Variants in NCOA1 observed in about 807,000 individuals in gnomAD.
NCOA1 encodes nuclear receptor coactivator 1, also known as Hin-2 protein.
NCOA1 carries 35 observed loss-of-function variants against 150.9 expected under a neutral mutation model. That is an observed-to-expected ratio of 0.23 (90% confidence interval 0.18 to 0.31). The LOEUF is 0.31. NCOA1 is among the 10% of genes least tolerant of loss of function. The pLI is 1.00. For synonymous variants in NCOA1, 590 were observed against 630.0 expected, an observed-to-expected ratio of 0.94 and a Z score of 0.95; for missense variants, 1,491 against 1,749.3, an observed-to-expected ratio of 0.85 and a Z score of 2.63.
chr2:24,494,837 A>G (rs938825018), intron 1 of NCOA1, among the ~76,000 whole-genome samples: 2 of 152,196 alleles, frequency 1.3e-5, no homozygotes, highest in African/African-American at 2.4e-5. Context: ...ACTAGACTGT[A>G]GGAAAGGACT....
At chr2:24,691,780 T>C in intron 9 of NCOA1, 120 bp downstream of exon 9, 1 of 918,490 alleles carries the variant, frequency 1.1e-6, no homozygotes, top group Non-Finnish European at 1.6e-6. Flanking sequence ...ATATGTATCA[T>C]AGTGGCTATT....
chr2:24,765,232 G>A (rs1015212035), intron 22 of NCOA1, among the ~76,000 whole-genome samples: 6 of 151,832 alleles, frequency 4.0e-5, no homozygotes, highest in African/African-American at 9.7e-5. Context: ...AGCCGGGTGC[G>A]GTGGCTCACG....
rs147600225 is a variant in NCOA1, at chr2:24,707,009, G to A, written c.1539G>A (p.Ser513=). 143 of 1,613,918 alleles carry A rather than the reference G, an allele frequency of 8.9e-5. No individual in the cohort carries two copies. The African/African-American group carries it at 1.1e-3, about 13-fold the overall frequency. Residue 513 remains serine (S), a synonymous_variant, in exon 13 of 23, where the codon TCG becomes TCA. Transcript: ENST00000348332. ...MPNNSFPPNI[S]TLSSPVGMTS... The stretch of plus-strand genomic sequence containing the variant: ...ACAATTCCTTTCCTCCTAATATTTC[G>A]ACATTAAGCTCTCCCGTTGGCATGA...
At chr2:24,669,950 C>T (rs1343654071) in intron 6 of NCOA1, among the ~76,000 whole-genome samples, 1 of 152,144 alleles carries the variant, frequency 6.6e-6, no homozygotes, top group East Asian at 1.9e-4. Context: ...CCAGCCTGGA[C>T]AACATAGCAA....
chr2:24,625,645 C>T (rs1028346924), intron 3 of NCOA1, among the ~76,000 whole-genome samples: 1 of 152,022 alleles, frequency 6.6e-6, no homozygotes, highest in African/African-American at 2.4e-5. Flanking sequence ...AATCTTCTCC[C>T]TCCCCTCTAA....
chr2:24,604,725 T>C (rs1245369620), intron 3 of NCOA1, among the ~76,000 whole-genome samples: 4 of 152,236 alleles, frequency 2.6e-5, no homozygotes, highest in South Asian at 2.1e-4. Flanking sequence ...TTTACCCATA[T>C]GAGCAACAAG....
chr2:24,514,133 A>G (rs1219938691), intron 1 of NCOA1, among the ~76,000 whole-genome samples: 1 of 151,740 alleles, frequency 6.6e-6, no homozygotes, highest in African/African-American at 2.4e-5. Flanking sequence ...CTAAAAATAC[A>G]AAAAATTAGC....
At chr2:24,658,862 G>C in intron 5 of NCOA1, 96 bp downstream of exon 5, 1 of 1,111,782 alleles carries the variant, frequency 9.0e-7, no homozygotes, top group Non-Finnish European at 1.3e-6. Context: ...AAGTTCAGTG[G>C]CTTTCTTTGA....
chr2:24,501,854 C>G (rs1297164984), intron 1 of NCOA1, among the ~76,000 whole-genome samples: 1 of 152,172 alleles, frequency 6.6e-6, no homozygotes, highest in Non-Finnish European at 1.5e-5. Context: ...GGTTTAGGAT[C>G]TCTGTTTTTG....
At chr2:24,494,046 T>C (rs760559238) in intron 1 of NCOA1, among the ~76,000 whole-genome samples, 5 of 152,194 alleles carry the variant, frequency 3.3e-5, no homozygotes, top group Non-Finnish European at 5.9e-5. Flanking sequence ...CAAGCCTAAA[T>C]AATTTAAAGA....
At chr2:24,673,804 T>C (rs1321261220) in intron 7 of NCOA1, among the ~76,000 whole-genome samples, 1 of 152,226 alleles carries the variant, frequency 6.6e-6, no homozygotes, top group Non-Finnish European at 1.5e-5. Context: ...GTTATCTATA[T>C]GTATACCATA....
chr2:24,669,025 T>A (rs528638374), intron 6 of NCOA1, among the ~76,000 whole-genome samples: 6 of 152,264 alleles, frequency 3.9e-5, no homozygotes, highest in African/African-American at 1.4e-4. Flanking sequence ...CGCAAAAAAT[T>A]GTTAAAACTA....
chr2:24,575,130 T>C (rs1666902301), intron 2 of NCOA1, among the ~76,000 whole-genome samples: 1 of 152,194 alleles, frequency 6.6e-6, no homozygotes, highest in African/African-American at 2.4e-5. Flanking sequence ...TGATCTTAGC[T>C]TGTTTGTGTG....
chr2:24,719,028 C>CAAAAAAAAAA, intron 14 of NCOA1, among the ~76,000 whole-genome samples: 1 of 34,456 alleles, frequency 2.9e-5, no homozygotes, highest in Non-Finnish European at 5.0e-5. Flanking sequence ...GACTCTGTCC[C>CAAAAAAAAAA]AAAAAAAAAA....
intron 3 of NCOA1, among the ~76,000 whole-genome samples, chr2:24,629,097 A>G (rs1558853931): frequency 6.6e-6 from 1 of 152,118 alleles, no homozygotes; most frequent in Non-Finnish European, 1.5e-5. Flanking sequence ...CTTTTTAAGG[A>G]TGGGAAAAAG....
At chr2:24,700,873 A>C (rs769748481) in intron 11 of NCOA1, among the ~76,000 whole-genome samples, 1 of 152,220 alleles carries the variant, frequency 6.6e-6, no homozygotes, top group Non-Finnish European at 1.5e-5. Context: ...AAGTTTGTAA[A>C]CTATGAACCT....
intron 1 of NCOA1, among the ~76,000 whole-genome samples, chr2:24,505,856 T>G: frequency 6.6e-6 from 1 of 152,046 alleles, no homozygotes. Context: ...CCCATTGGAG[T>G]TGCTAAGCCG....
At chr2:24,711,662 A>G (rs138240459) in intron 14 of NCOA1, among the ~76,000 whole-genome samples, 29 of 152,362 alleles carry the variant, frequency 1.9e-4, no homozygotes, top group South Asian at 1.2e-3. Context: ...TATACCACAG[A>G]ATGAGTTTTC....
At chr2:24,761,463 AT>A (rs1664791684) in intron 21 of NCOA1, among the ~76,000 whole-genome samples, 1 of 151,988 alleles carries the variant, frequency 6.6e-6, no homozygotes, top group Admixed American at 6.5e-5. Context: ...GATCCTTTTT[AT>A]ATCTTCCATA....
Sources: allele counts gnomAD v4.1 joint callset (sites outside exome capture counted in the v4.1 genomes callset), GRCh38; gene constraint gnomAD v4.1.1; transcripts MANE v1.5; gene names NCBI Gene and HGNC (gene_info 2026-07-23, HGNC 2026-07-21).